CLASP1: variants seen among roughly 807,000 people sequenced by gnomAD.
CLASP1 encodes cytoplasmic linker associated protein 1.
CLASP1 carries 38 observed loss-of-function variants against 192.3 expected under a neutral mutation model. That is an observed-to-expected ratio of 0.20 (90% CI 0.15 to 0.26). The LOEUF (loss-of-function observed/expected upper bound fraction) is 0.26, where lower values mean the gene tolerates loss of function less well. Among genes scored for constraint, CLASP1 ranks in the 10% least tolerant of loss-of-function variants. The pLI, the probability that CLASP1 is intolerant of heterozygous loss-of-function variation, is 1.00. For missense variants in CLASP1, 1,433 were observed against 1,932.5 expected, an observed-to-expected ratio of 0.74 and a Z score of 4.85; for synonymous variants, 691 against 712.8, an observed-to-expected ratio of 0.97 and a Z score of 0.49.
At chr2:121,404,314 C>T in intron 26 of CLASP1, 57 bp downstream of exon 27, 1 of 1,589,548 alleles carries the variant, frequency 6.3e-7, no homozygotes, top group African/African-American at 1.3e-5. Flanking sequence ...TAGTATATCA[C>T]ACAGAGCACA....
At chr2:121,554,409 G>T (rs2058334391) in intron 2 of CLASP1, among the ~76,000 whole-genome samples, 1 of 141,810 alleles carries the variant, frequency 7.1e-6, no homozygotes, top group Admixed American at 7.3e-5. Context: ...CCAGGAGTTT[G>T]AGACCAGCCT....
intron 37 of CLASP1, among the ~76,000 whole-genome samples, chr2:121,356,593 G>A (rs2065434802): frequency 6.6e-6 from 1 of 152,214 alleles, no homozygotes; most frequent in Non-Finnish European, 1.5e-5. Context: ...ACGAAAGGGA[G>A]AATCTGAATC....
chr2:121,536,217 T>C (rs2095066551), intron 2 of CLASP1, among the ~76,000 whole-genome samples: 1 of 149,996 alleles, frequency 6.7e-6, no homozygotes, highest in Non-Finnish European at 1.5e-5. Context: ...CCGTCTCTAG[T>C]AAAAATACAA....
intron 2 of CLASP1, among the ~76,000 whole-genome samples, chr2:121,542,700 A>G (rs2095257976): frequency 6.6e-6 from 1 of 152,234 alleles, no homozygotes; most frequent in Admixed American, 6.5e-5. Flanking sequence ...TAAACCATAA[A>G]AGTAAATGTC....
intron 37 of CLASP1, 28 bp downstream of exon 38, chr2:121,363,144 A>G: frequency 1.9e-6 from 3 of 1,613,480 alleles, no homozygotes; most frequent in Non-Finnish European, 2.5e-6. Context: ...CCGTCTGTTC[A>G]GCACCCCTGG....
At chr2:121,438,320 T>C (rs1017663829) in intron 19 of CLASP1, among the ~76,000 whole-genome samples, 1 of 152,210 alleles carries the variant, frequency 6.6e-6, no homozygotes, top group Non-Finnish European at 1.5e-5. Flanking sequence ...TAGTTACAAA[T>C]TATGAGAAAA....
intron 21 of CLASP1, among the ~76,000 whole-genome samples, chr2:121,425,938 G>A (rs1431489692): frequency 6.6e-6 from 1 of 152,206 alleles, no homozygotes; most frequent in Admixed American, 6.5e-5. Context: ...GAGCCCAGGA[G>A]TTTGAGACTA....
chr2:121,428,363 AG>A (rs1472523883), intron 20 of CLASP1, among the ~76,000 whole-genome samples: 1 of 152,228 alleles, frequency 6.6e-6, no homozygotes, highest in Non-Finnish European at 1.5e-5. Flanking sequence ...ACCCCCACAG[AG>A]GGAAGCAACA....
At chr2:121,454,260 G>A (rs1346410666) in intron 14 of CLASP1, among the ~76,000 whole-genome samples, 1 of 151,922 alleles carries the variant, frequency 6.6e-6, no homozygotes, top group Non-Finnish European at 1.5e-5. Context: ...ATGATAATGG[G>A]GCCCTCATTA....
At chr2:121,530,436 TC>T in intron 2 of CLASP1, 111 bp from the exon 3 acceptor site, 1 of 722,788 alleles carries the variant, frequency 1.4e-6, no homozygotes, top group Non-Finnish European at 2.4e-6. Flanking sequence ...AGTCCGAGAG[TC>T]CAGACGCATG....
At chr2:121,466,054 A>G (rs1314212715) in intron 9 of CLASP1, among the ~76,000 whole-genome samples, 3 of 152,182 alleles carry the variant, frequency 2.0e-5, no homozygotes, top group Non-Finnish European at 4.4e-5. Flanking sequence ...GTTAGACCTA[A>G]AAGTCTAGTA....
At chr2:121,642,593 G>A (rs948963553) in intron 1 of CLASP1, among the ~76,000 whole-genome samples, 13 of 151,770 alleles carry the variant, frequency 8.6e-5, no homozygotes, top group African/African-American at 2.4e-4. Flanking sequence ...TGAGCCGGGC[G>A]TGGTGGCGCA....
intron 32 of CLASP1, 21 bp downstream of exon 33, chr2:121,387,101 A>C (rs1403425564): frequency 6.3e-7 from 1 of 1,578,190 alleles, no homozygotes; most frequent in Non-Finnish European, 8.7e-7. Flanking sequence ...ACATCTGTGG[A>C]AAGTAAAGAA....
chr2:121,621,712 A>G (rs1158748655), intron 1 of CLASP1, among the ~76,000 whole-genome samples: 20 of 152,036 alleles, frequency 1.3e-4, no homozygotes, highest in Admixed American at 1.3e-3. Flanking sequence ...AATTATTGTA[A>G]CTTTGTAGTA....
At chr2:121,548,217 G>A (rs894566182) in intron 2 of CLASP1, among the ~76,000 whole-genome samples, 1 of 152,132 alleles carries the variant, frequency 6.6e-6, no homozygotes, top group Non-Finnish European at 1.5e-5. Flanking sequence ...GCATAAAAAA[G>A]AACCTAAAGG....
intron 19 of CLASP1, among the ~76,000 whole-genome samples, chr2:121,438,621 C>A (rs922277398): frequency 6.6e-6 from 1 of 152,044 alleles, no homozygotes; most frequent in African/African-American, 2.4e-5. Flanking sequence ...TGTTTATATG[C>A]TGGATTACAT....
rs59841405 is a variant in CLASP1, at chr2:121,525,694, TTTA to T, written c.546+148_546+150del. On this transcript the variant is annotated intron_variant, in intron 6 of 39. Coordinates refer to ENST00000263710, the Ensembl canonical transcript of CLASP1. The stretch of plus-strand genomic sequence containing the variant: ...TTTATACATTTGAATGTATAAATAT[TTTA>T]TAAATGCTAATGGGTACTGGATCTC... 1.1e-3 allele frequency: 654 copies of T among 609,740 alleles called. 4 individuals carry two copies. The African/African-American group carries it at 0.011, about 10-fold the overall frequency. The allele number at this position is 609,740 out of a possible 1,614,324, so 37.8% of individuals were successfully genotyped here. A position where few individuals can be genotyped will look rare whatever the true frequency, so the allele number is the denominator to read the frequency against.
chr2:121,562,452 T>A (rs1220251426), intron 2 of CLASP1, among the ~76,000 whole-genome samples: 1 of 152,168 alleles, frequency 6.6e-6, no homozygotes, highest in African/African-American at 2.4e-5. Context: ...CTTTACTGAT[T>A]TATCTAGTCA....
At chr2:121,449,878 A>C (rs1352631320) in intron 16 of CLASP1, among the ~76,000 whole-genome samples, 1 of 152,224 alleles carries the variant, frequency 6.6e-6, no homozygotes, top group Non-Finnish European at 1.5e-5. Flanking sequence ...GCAGGCTAGT[A>C]CAATTAGATT....
Sources: allele counts gnomAD v4.1 joint callset (sites outside exome capture counted in the v4.1 genomes callset), GRCh38; gene constraint gnomAD v4.1.1; transcripts MANE v1.5; gene names NCBI Gene and HGNC (gene_info 2026-07-23, HGNC 2026-07-21).